The following MND1 variants were observed in gnomAD, a reference collection of about 807,000 sequenced individuals.
MND1 encodes the protein meiotic nuclear divisions 1.
A neutral mutation model predicts 35.1 loss-of-function variants in MND1; 28 were observed. That is an observed-to-expected ratio of 0.80 (90% CI 0.59 to 1.09). MND1 has a LOEUF of 1.09. Among genes scored for constraint, MND1 ranks in the 50% least tolerant of loss-of-function variants. MND1 has a pLI of 0.00. For missense variants in MND1, 213 were observed against 239.6 expected (o/e 0.89, Z 0.73); for synonymous variants, 69 against 70.5 (o/e 0.98, Z 0.11).
intron 6 of MND1, among the ~76,000 whole-genome samples, chr4:153,407,013 C>A (rs1331683796): frequency 6.6e-6 from 1 of 152,208 alleles, no homozygotes; most frequent in Non-Finnish European, 1.5e-5. Context: ...ATCATGGGAA[C>A]AGGGCAGGAA....
At chr4:153,372,284 C>T (rs1030098782) in intron 4 of MND1, among the ~76,000 whole-genome samples, 1 of 151,956 alleles carries the variant, frequency 6.6e-6, no homozygotes, top group Non-Finnish European at 1.5e-5. Flanking sequence ...GTAGAAAACA[C>T]GCTATCTGAA....
At chr4:153,347,387 A>G (rs746632230) in intron 1 of MND1, among the ~76,000 whole-genome samples, 4 of 152,144 alleles carry the variant, frequency 2.6e-5, no homozygotes, top group Non-Finnish European at 5.9e-5. Context: ...TGAATTCACT[A>G]TGATTAATTC....
chr4:153,403,486 A>G (rs879742373), intron 6 of MND1, among the ~76,000 whole-genome samples: 5 of 152,214 alleles, frequency 3.3e-5, no homozygotes, highest in Non-Finnish European at 7.3e-5. Flanking sequence ...CCAAGTAGAG[A>G]CTTAAGTGGC....
At chr4:153,348,569 A>G (rs1038291651) in intron 1 of MND1, among the ~76,000 whole-genome samples, 14 of 152,204 alleles carry the variant, frequency 9.2e-5, no homozygotes, top group African/African-American at 3.4e-4. Flanking sequence ...AGAAAAATAT[A>G]AACTTTAAGC....
chr4:153,400,416 A>C (rs938868793), intron 6 of MND1, among the ~76,000 whole-genome samples: 6 of 152,138 alleles, frequency 3.9e-5, no homozygotes, highest in African/African-American at 1.4e-4. Context: ...TTGCAGGCAC[A>C]GTGGCTCATG....
intron 4 of MND1, among the ~76,000 whole-genome samples, chr4:153,386,078 A>G (rs925978073): frequency 6.6e-6 from 1 of 152,182 alleles, no homozygotes; most frequent in Non-Finnish European, 1.5e-5. Flanking sequence ...GAGGCTGTAC[A>G]TATGTGGAAT....
At chr4:153,400,013 C>A (rs1279480674) in intron 6 of MND1, among the ~76,000 whole-genome samples, 1 of 150,774 alleles carries the variant, frequency 6.6e-6, no homozygotes, top group Admixed American at 6.6e-5. Context: ...GTCATTCCCC[C>A]ACCTCAGCTT....
chr4:153,351,699 A>G (rs928665008), intron 2 of MND1, among the ~76,000 whole-genome samples: 1 of 152,248 alleles, frequency 6.6e-6, no homozygotes, highest in Non-Finnish European at 1.5e-5. Flanking sequence ...CGTTGTTGCA[A>G]TTGGCAAGTA....
intron 6 of MND1, among the ~76,000 whole-genome samples, chr4:153,403,596 T>C (rs746974794): frequency 3.3e-5 from 5 of 152,124 alleles, no homozygotes; most frequent in Non-Finnish European, 7.4e-5. Context: ...GGGAAGAATC[T>C]GCTTTCTAGG....
intron 4 of MND1, among the ~76,000 whole-genome samples, chr4:153,390,941 G>GTA (rs1453318566): frequency 4.7e-5 from 7 of 149,330 alleles, no homozygotes; most frequent in Non-Finnish European, 7.4e-5. Flanking sequence ...GTGTGTGTGT[G>GTA]TATATAAAAT....
intron 6 of MND1, among the ~76,000 whole-genome samples, chr4:153,403,231 T>C (rs1729391272): frequency 6.6e-6 from 1 of 152,208 alleles, no homozygotes; most frequent in African/African-American, 2.4e-5. Context: ...CTTAGGGTTG[T>C]TCACATTCTC....
intron 3 of MND1, among the ~76,000 whole-genome samples, chr4:153,356,552 CAAAAAAAAAAAAAAAA>C (rs34763120): frequency 3.3e-5 from 2 of 60,056 alleles, no homozygotes; most frequent in South Asian, 1.2e-3. Flanking sequence ...AACTCAGTCT[CAAAAAAAAAAAAAAAA>C]AAAAAAAAGA....
intron 2 of MND1, among the ~76,000 whole-genome samples, chr4:153,354,738 C>T (rs1334492167): frequency 6.6e-6 from 1 of 152,154 alleles, no homozygotes; most frequent in African/African-American, 2.4e-5. Context: ...GTCTCCAGCT[C>T]TTGAGCTCAA....
At chr4:153,401,381 T>G (rs1042291476) in intron 6 of MND1, among the ~76,000 whole-genome samples, 1 of 152,128 alleles carries the variant, frequency 6.6e-6, no homozygotes, top group African/African-American at 2.4e-5. Context: ...CAGAAAAATA[T>G]CTAAAGAAAT....
chr4:153,346,669 G>T (rs73854664), intron 1 of MND1, among the ~76,000 whole-genome samples: 2,607 of 152,300 alleles, frequency 0.017, 63 homozygotes, highest in African/African-American at 0.057. Flanking sequence ...GTAAATGGAT[G>T]ATACAGCTCA....
chr4:153,388,476 G>T (rs1417017177), intron 4 of MND1, among the ~76,000 whole-genome samples: 1 of 152,168 alleles, frequency 6.6e-6, no homozygotes, highest in Non-Finnish European at 1.5e-5. Context: ...AACAGAGTAA[G>T]ACCCTGTCTC....
intron 4 of MND1, among the ~76,000 whole-genome samples, chr4:153,387,599 A>G (rs1728904297): frequency 6.6e-6 from 1 of 152,034 alleles, no homozygotes; most frequent in African/African-American, 2.4e-5. Flanking sequence ...TCTCTGCAAA[A>G]AAATGAAAAA....
intron 4 of MND1, among the ~76,000 whole-genome samples, chr4:153,375,523 A>G (rs983484832): frequency 6.6e-5 from 10 of 152,098 alleles, no homozygotes; most frequent in African/African-American, 2.4e-4. Flanking sequence ...ATAGTTGGTG[A>G]CCAGCTTGGA....
chr4:153,364,578 A>G (rs1355504845), intron 4 of MND1, among the ~76,000 whole-genome samples: 3 of 152,142 alleles, frequency 2.0e-5, no homozygotes, highest in Admixed American at 6.5e-5. Context: ...GGTCTTGAAG[A>G]GCTATTTGTA....
Sources: allele counts gnomAD v4.1 joint callset (sites outside exome capture counted in the v4.1 genomes callset), GRCh38; gene constraint gnomAD v4.1.1; transcripts MANE v1.5; gene names NCBI Gene and HGNC (gene_info 2026-07-23, HGNC 2026-07-21).